IMMP2L: variants seen among roughly 807,000 people sequenced by gnomAD.
IMMP2L encodes inner mitochondrial membrane peptidase subunit 2.
A neutral mutation model predicts 19.3 loss-of-function variants in IMMP2L; 18 were observed. The observed-to-expected ratio is 0.93, with a 90% CI of 0.64 to 1.38. The LOEUF (loss-of-function observed/expected upper bound fraction) is 1.38. Ranked by LOEUF, IMMP2L falls within the 40% of genes most tolerant of loss-of-function variation. The pLI, the probability that IMMP2L is intolerant of heterozygous loss-of-function variation, is 0.00. For missense variants in IMMP2L, 233 were observed against 218.2 expected, an observed-to-expected ratio of 1.07 and a Z score of -0.43; for synonymous variants, 76 against 73.0, an observed-to-expected ratio of 1.04 and a Z score of -0.21.
chr7:111,153,549 C>A (rs1804305338), intron 3 of IMMP2L, among the ~76,000 whole-genome samples: 1 of 152,020 alleles, frequency 6.6e-6, no homozygotes, highest in Admixed American at 6.6e-5. Context: ...TATAAACCTA[C>A]TCTTGACTAA....
intron 5 of IMMP2L, among the ~76,000 whole-genome samples, chr7:110,677,658 G>A (rs1250646729): frequency 2.0e-5 from 3 of 152,058 alleles, no homozygotes; most frequent in African/African-American, 4.8e-5. Context: ...TGAGCATCAC[G>A]TGCCAAAGAA....
intron 3 of IMMP2L, among the ~76,000 whole-genome samples, chr7:111,260,718 T>C (rs1191519390): frequency 1.3e-5 from 2 of 152,090 alleles, no homozygotes; most frequent in Non-Finnish European, 2.9e-5. Context: ...TCATGTGAAA[T>C]ATGAGGAAGA....
chr7:111,260,067 A>C (rs964143460), intron 3 of IMMP2L, among the ~76,000 whole-genome samples: 3 of 152,088 alleles, frequency 2.0e-5, no homozygotes, highest in Non-Finnish European at 4.4e-5. Context: ...TTTACTATTA[A>C]CTTTTGTTGT....
intron 3 of IMMP2L, among the ~76,000 whole-genome samples, chr7:111,034,852 G>C (rs1173595611): frequency 6.6e-6 from 1 of 152,058 alleles, no homozygotes. Context: ...CCAGAAACTC[G>C]TTCCAGCACC....
chr7:110,777,998 A>G (rs1427350123), intron 5 of IMMP2L, among the ~76,000 whole-genome samples: 4 of 151,960 alleles, frequency 2.6e-5, no homozygotes, highest in Non-Finnish European at 5.9e-5. Context: ...CACACTTAAA[A>G]CTTCTTGGCA....
chr7:111,544,656 G>A (rs986825926), intron 1 of IMMP2L, among the ~76,000 whole-genome samples: 3 of 152,098 alleles, frequency 2.0e-5, no homozygotes, highest in East Asian at 1.9e-4. Flanking sequence ...GGGAAAAATC[G>A]AAAAGGTGGC....
At chr7:110,927,519 G>C (rs189593019) in intron 4 of IMMP2L, among the ~76,000 whole-genome samples, 3 of 152,126 alleles carry the variant, frequency 2.0e-5, no homozygotes, top group Admixed American at 2.0e-4. Context: ...GGAGGAAAAA[G>C]AGAGCAGTAG....
At chr7:110,927,655 G>A (rs920659198) in intron 4 of IMMP2L, among the ~76,000 whole-genome samples, 1 of 151,898 alleles carries the variant, frequency 6.6e-6, no homozygotes, top group Non-Finnish European at 1.5e-5. Flanking sequence ...TCTGGAAAAC[G>A]CAAGGAAACA....
chr7:111,238,360 T>C (rs939731402), intron 3 of IMMP2L, among the ~76,000 whole-genome samples: 2 of 152,096 alleles, frequency 1.3e-5, no homozygotes, highest in Non-Finnish European at 2.9e-5. Context: ...TTTGGGCAAG[T>C]TACTTGACCC....
intron 3 of IMMP2L, among the ~76,000 whole-genome samples, chr7:111,384,291 G>GAGGAGAA (rs1563127121): frequency 2.0e-5 from 3 of 148,456 alleles, no homozygotes; most frequent in Non-Finnish European, 3.0e-5. Flanking sequence ...AGAAAGGAGA[G>GAGGAGAA]AGGAGAAAGG....
chr7:111,411,434 A>G (rs1324837026), intron 3 of IMMP2L: 3 of 500,966 alleles, frequency 6.0e-6, no homozygotes, highest in African/African-American at 2.0e-5. Flanking sequence ...ACCTCACCAG[A>G]CCTCCTTGGA....
intron 5 of IMMP2L, among the ~76,000 whole-genome samples, chr7:110,716,829 T>G (rs1795261797): frequency 6.6e-6 from 1 of 152,156 alleles, no homozygotes; most frequent in African/African-American, 2.4e-5. Context: ...TTTGACTAAT[T>G]AAATATGGAC....
At position 111,123,928 on chromosome 7, in the gene IMMP2L, A is replaced by G. The variant is rs770099594; in HGVS notation, c.240-160363T>C. The G allele has an allele frequency of 6.2e-7, 1 of 1,614,046 alleles. No homozygotes were observed. The highest frequency in any genetic ancestry group is 8.5e-7 in the Non-Finnish European group (1 of 1,180,008). On this transcript the variant is annotated intron_variant, in intron 3 of 5. Coordinates refer to ENST00000405709, the MANE Select transcript of IMMP2L (RefSeq NM_032549.4). The surrounding 1 kb of genome is among the most constrained non-coding windows in gnomAD (Gnocchi z 6.4). Reference sequence around the variant, plus strand: ...TTGGATGAACATGAACAAAACCAACATTCGATTCATGGAGCCAGATTCACT... The same window carrying G: ...TTGGATGAACATGAACAAAACCAACGTTCGATTCATGGAGCCAGATTCACT...
chr7:111,179,038 C>G (rs1429122899), intron 3 of IMMP2L, among the ~76,000 whole-genome samples: 1 of 152,006 alleles, frequency 6.6e-6, no homozygotes, highest in African/African-American at 2.4e-5. Flanking sequence ...ACAAAATGTA[C>G]TTCTTAAATA....
At chr7:110,678,059 G>A (rs1004600008) in intron 5 of IMMP2L, among the ~76,000 whole-genome samples, 2 of 152,110 alleles carry the variant, frequency 1.3e-5, no homozygotes, top group Non-Finnish European at 2.9e-5. Flanking sequence ...AATATTTCCT[G>A]TAGACAAGAA....
rs568913651 is a variant in IMMP2L, at chr7:111,032,230, C to A, written c.240-68665G>T. On this transcript the variant is annotated intron_variant, in intron 3 of 5. Coordinates refer to ENST00000405709, the MANE Select transcript of IMMP2L (RefSeq NM_032549.4). Reference sequence around the variant, plus strand: ...TGCTGGGATTACAGGCATGAGCCACCGCATCTGACCTGGACCATTAGTACT... The same window carrying A: ...TGCTGGGATTACAGGCATGAGCCACAGCATCTGACCTGGACCATTAGTACT... Among the ~76,000 whole-genome samples the A allele has an allele frequency of 3.9e-5, 6 of 152,168 alleles. No homozygotes were observed. The South Asian group carries it at 1.2e-3, about 32-fold the overall frequency.
intron 5 of IMMP2L, among the ~76,000 whole-genome samples, chr7:110,736,394 C>T (rs1298167027): frequency 6.6e-6 from 1 of 152,142 alleles, no homozygotes; most frequent in Non-Finnish European, 1.5e-5. Flanking sequence ...GGCAAATATC[C>T]AGTAAAGCTG....
At chr7:111,300,385 A>G (rs1822092021) in intron 3 of IMMP2L, among the ~76,000 whole-genome samples, 1 of 152,152 alleles carries the variant, frequency 6.6e-6, no homozygotes, top group Admixed American at 6.6e-5. Context: ...TTTTTCTTTA[A>G]TTAAATTTTT....
chr7:111,031,136 T>C (rs117817242), intron 3 of IMMP2L, among the ~76,000 whole-genome samples: 4,645 of 151,936 alleles, frequency 0.031, 112 homozygotes, highest in South Asian at 0.078. Context: ...TTTATAGTTA[T>C]ATGTATACAC....
Sources: gnomAD v4.1 joint callset for allele counts (sites outside exome capture counted in the v4.1 genomes callset) on GRCh38, gnomAD v4.1.1 for gene constraint, Gnocchi (gnomAD v3.1) non-coding constraint, MANE v1.5 for transcripts, NCBI Gene and HGNC (gene_info 2026-07-23, HGNC 2026-07-21) for gene names.